IL16: variants seen among roughly 807,000 people sequenced by gnomAD.
IL16 encodes the protein interleukin 16.
In IL16, 67 loss-of-function variants were observed where a neutral mutation model predicts 110.1. The ratio of observed to expected loss-of-function variants is 0.61; its 90% CI spans 0.50 to 0.75. The LOEUF (loss-of-function observed/expected upper bound fraction) is 0.75, where lower values mean the gene tolerates loss of function less well. Ranked by LOEUF, IL16 falls within the 30% of genes least tolerant of loss-of-function variation. The pLI, the probability that IL16 is intolerant of heterozygous loss-of-function variation, is 0.00. For synonymous variants in IL16, 689 were observed against 662.9 expected (o/e 1.04, Z -0.61); for missense variants, 1,545 against 1,655.0 (o/e 0.93, Z 1.15).
At chr15:81,277,465 G>A (rs1322945182) in intron 6 of IL16, among the ~76,000 whole-genome samples, 1 of 148,434 alleles carries the variant, frequency 6.7e-6, no homozygotes, top group Non-Finnish European at 1.5e-5. Context: ...TTTTTTTTGA[G>A]ACAGGATCTC....
At chr15:81,199,553 G>A (rs1895734250) in intron 1 of IL16, among the ~76,000 whole-genome samples, 1 of 152,182 alleles carries the variant, frequency 6.6e-6, no homozygotes, top group Admixed American at 6.5e-5. Context: ...CATCGGTCTT[G>A]CCCCTGGCTG....
chr15:81,285,363 T>C (rs528661083), intron 9 of IL16, among the ~76,000 whole-genome samples: 164 of 152,322 alleles, frequency 1.1e-3, no homozygotes, highest in African/African-American at 3.9e-3. Flanking sequence ...TTAATTGTTA[T>C]TTAGTTGAAT....
At position 81,306,101 on chromosome 15, in the gene IL16, A is replaced by C; in HGVS notation, c.3614A>C (p.Asp1205Ala). ...AAGCTGACTCCAGAGGCCATGCCCG[A>C]CCTCAACTCCTCCACTGACTCTGCA... ...TRKLTPEAMP[D>A]LNSSTDSAAS... The change falls in exon 17 of 19, where the codon GAC becomes GCC. Residue 1205 changes from aspartate (D) to alanine (A), a missense_variant. By Grantham distance (126) the Asp-to-Ala change is moderately radical. Around this residue, in one of 3 missense-constraint regions of IL16, gnomAD observed 356 missense variants for 399.3 expected, o/e 0.89. Coordinates refer to ENST00000683961, the MANE Select transcript of IL16 (RefSeq NM_172217.5). The C allele has an allele frequency of 6.2e-7, 1 of 1,614,056 alleles. No homozygotes were observed. The highest frequency in any genetic ancestry group is 8.5e-7 in the Non-Finnish European group (1 of 1,180,014).
At chr15:81,271,950 C>G (rs1315075642) in intron 5 of IL16, among the ~76,000 whole-genome samples, 2 of 152,202 alleles carry the variant, frequency 1.3e-5, no homozygotes, top group Non-Finnish European at 2.9e-5. Flanking sequence ...AGTAAACTGC[C>G]CATGAGCAAT....
At chr15:81,233,666 T>C (rs1301273324) in intron 2 of IL16, among the ~76,000 whole-genome samples, 1 of 152,090 alleles carries the variant, frequency 6.6e-6, no homozygotes, top group African/African-American at 2.4e-5. Flanking sequence ...TGCATATATA[T>C]ATCTGTATAT....
intron 5 of IL16, among the ~76,000 whole-genome samples, chr15:81,270,606 G>A (rs1221501951): frequency 3.3e-5 from 5 of 152,318 alleles, no homozygotes; most frequent in South Asian, 4.1e-4. Context: ...TTTCTCTGAA[G>A]GACCCATTTT....
chr15:81,259,832 T>G lies in IL16; in HGVS notation c.373T>G (p.Phe125Val). Reference sequence around the variant, plus strand: ...AAAACTAGAAGCACAAAGTAGTAACTTCCTGTTTCCTAAAGCCTGCCACCA... The same window carrying G: ...AAAACTAGAAGCACAAAGTAGTAACGTCCTGTTTCCTAAAGCCTGCCACCA... Reference protein sequence around the residue: ...PGKLEAQSSNFLFPKACHQRA... With the variant: ...PGKLEAQSSNVLFPKACHQRA... Residue 125 changes from phenylalanine to valine, a missense_variant, in exon 3 of 19, where the codon TTC becomes GTC. Transcript: ENST00000683961. The G allele has an allele frequency of 6.2e-7, 1 of 1,614,018 alleles. No homozygotes were observed.
chr15:81,306,607 A>G (rs1900577785), intron 18 of IL16, 62 bp downstream of exon 18: 1 of 1,598,360 alleles, frequency 6.3e-7, no homozygotes, highest in South Asian at 1.1e-5. Context: ...CAGGCCCCCA[A>G]AAGGCTTCTG....
intron 5 of IL16, among the ~76,000 whole-genome samples, chr15:81,272,832 A>C (rs990584991): frequency 6.6e-6 from 1 of 152,186 alleles, no homozygotes; most frequent in African/African-American, 2.4e-5. Flanking sequence ...TCTGTGTGGG[A>C]AACTTCAGAT....
At chr15:81,233,278 T>C (rs1050883589) in intron 2 of IL16, among the ~76,000 whole-genome samples, 1 of 152,108 alleles carries the variant, frequency 6.6e-6, no homozygotes, top group East Asian at 1.9e-4. Flanking sequence ...TTTGCATAAC[T>C]CTAGTACAGT....
chr15:81,303,183 T>G lies in IL16; in HGVS notation c.3319-366T>G. 6.9e-6 allele frequency: 1 copy of G among 145,780 alleles called. No individual in the cohort carries two copies. The highest frequency in any genetic ancestry group is 1.3e-5 in the Non-Finnish European group (1 of 75,716). 9.0% of individuals were successfully genotyped at this position (145,780 alleles called of 1,614,324 possible). A position where few individuals can be genotyped will look rare whatever the true frequency, so the allele number is the denominator to read the frequency against. On this transcript the variant is annotated intron_variant, in intron 15 of 18. Coordinates refer to ENST00000683961, the MANE Select transcript of IL16 (RefSeq NM_172217.5). This position sits in a 1 kb window ranked among gnomAD's most constrained non-coding sequence, Gnocchi z 4.1. ...GCACTGACCCCTGTTTTGTTTTTTG[T>G]TGTTTTTTTTTTTTGTTTTGTTTTA...
At chr15:81,288,362 T>C (rs1034997483) in intron 10 of IL16, among the ~76,000 whole-genome samples, 1 of 152,228 alleles carries the variant, frequency 6.6e-6, no homozygotes, top group Non-Finnish European at 1.5e-5. Context: ...AGGACTGTTG[T>C]GGATGGTAAC....
rs373337324 is a variant in IL16, at chr15:81,265,786, A to G, written c.549A>G (p.Pro183=). Residue 183 remains proline (P), a synonymous_variant, in exon 4 of 19, where the codon CCA becomes CCG. Transcript: ENST00000683961. ...CCCTCTCTCAACAATTGGACTGTCC[A>G]GCAGGAAAGGCTGCGGTAAGAATGG... ...RKSLSQQLDC[P]AGKAAGTSRP... 1.9e-5 allele frequency: 30 copies of G among 1,612,564 alleles called. No individual in the cohort carries two copies. The highest frequency in any genetic ancestry group is 2.3e-5 in the Non-Finnish European group (27 of 1,179,316).
intron 2 of IL16, 127 bp downstream of exon 2, chr15:81,225,838 A>G: frequency 2.2e-6 from 2 of 914,074 alleles, no homozygotes; most frequent in South Asian, 1.8e-5. Context: ...AGAGAGCAAG[A>G]AAAAAGTTGA....
chr15:81,291,873 G>C (rs1428723312), intron 11 of IL16: 13 of 455,340 alleles, frequency 2.9e-5, no homozygotes, highest in Non-Finnish European at 4.4e-6. Context: ...CTTTGTTATT[G>C]AGCCTCAAAA....
intron 5 of IL16, among the ~76,000 whole-genome samples, chr15:81,272,096 G>T (rs67106133): frequency 3.9e-5 from 6 of 152,108 alleles, no homozygotes; most frequent in Non-Finnish European, 7.4e-5. Context: ...CCTGTAATAC[G>T]TGCTTCTTGA....
intron 1 of IL16, among the ~76,000 whole-genome samples, chr15:81,187,554 C>G (rs1895436600): frequency 6.6e-6 from 1 of 152,188 alleles, no homozygotes; most frequent in African/African-American, 2.4e-5. Context: ...ATGATTGTAT[C>G]ACTGCATTCC....
intron 7 of IL16, among the ~76,000 whole-genome samples, 193 bp downstream of exon 7, chr15:81,279,083 G>A (rs1354890163): frequency 6.6e-6 from 1 of 151,978 alleles, no homozygotes; most frequent in Non-Finnish European, 1.5e-5. Context: ...TTGTTGTGGG[G>A]GATTTTAAAA....
Position 81,313,249 on chromosome 15 carries a change from G to A in IL16, c.*4451G>A, listed in dbSNP as rs200163674. 127 of 1,551,550 alleles carry A rather than the reference G, an allele frequency of 8.2e-5. No homozygotes were observed. In the African/African-American group the frequency reaches 1.4e-3, roughly 17 times the overall value. On this transcript the variant is annotated 3_prime_UTR_variant, in exon 19 of 19. Transcript: ENST00000683961. Reference sequence around the variant, plus strand: ...CGGGAGTTCTTTGCCAAGAAGTAACGATAGCATTACTCATGGAATTGCTTC... The same window carrying A: ...CGGGAGTTCTTTGCCAAGAAGTAACAATAGCATTACTCATGGAATTGCTTC...
Sources: allele counts gnomAD v4.1 joint callset (sites outside exome capture counted in the v4.1 genomes callset), GRCh38; gene constraint gnomAD v4.1.1; regional missense constraint gnomAD v4.1.1; non-coding constraint Gnocchi (gnomAD v3.1); transcripts MANE v1.5; gene names NCBI Gene and HGNC (gene_info 2026-07-23, HGNC 2026-07-21).